Variants in NSF observed in about 807,000 individuals in gnomAD.
NSF encodes the protein vesicle-fusing ATPase.
NSF carries 14 observed loss-of-function variants against 50.3 expected under a neutral mutation model. The observed-to-expected ratio is 0.28, with a 90% CI of 0.18 to 0.44. The LOEUF (loss-of-function observed/expected upper bound fraction) is 0.44, where lower values mean the gene tolerates loss of function less well. Ranked by LOEUF, NSF falls within the 20% of genes least tolerant of loss-of-function variation. The probability of loss-of-function intolerance (pLI) is 1.00; values close to 1 mark genes in which losing one functional copy is unlikely to be tolerated. For missense variants in NSF, 218 were observed against 504.3 expected (o/e 0.43, Z 5.44); for synonymous variants, 109 against 175.7 (o/e 0.62, Z 3.00).
chr17:46,740,662 C>CTT (rs36000135), intron 17 of NSF, among the ~76,000 whole-genome samples: 1 of 137,144 alleles, frequency 7.3e-6, no homozygotes, highest in Non-Finnish European at 1.6e-5. Context: ...TTATCTTTTT[C>CTT]TTTTTTTTTT....
At chr17:46,753,628 T>C (rs2059205355) in intron 19 of NSF, among the ~76,000 whole-genome samples, 1 of 152,214 alleles carries the variant, frequency 6.6e-6, no homozygotes, top group East Asian at 1.9e-4. Flanking sequence ...AATAATTGCA[T>C]AGAAGAAACT....
rs563635681 is a variant in NSF at position 46,726,412 on chromosome 17, T to C, written c.1762-137T>C. ...GTTCAGCGGTGATCCAGTGTGTCAATTCTAATTTATTGTAGTCCAAAGTGT... is the reference window on the plus strand; with the variant it reads ...GTTCAGCGGTGATCCAGTGTGTCAACTCTAATTTATTGTAGTCCAAAGTGT... On this transcript the variant is annotated intron_variant, in intron 15 of 20. Transcript: ENST00000398238. 8.0e-5 allele frequency: 63 copies of C among 790,026 alleles called. 1 individual carries two copies. In the South Asian group the frequency reaches 9.5e-4, roughly 12 times the overall value. The allele number at this position is 790,026 out of a possible 1,614,324, so 48.9% of individuals were successfully genotyped here.
intron 19 of NSF, among the ~76,000 whole-genome samples, chr17:46,752,934 A>AT: frequency 6.6e-6 from 1 of 151,634 alleles, no homozygotes. Flanking sequence ...TGCCTGGCTA[A>AT]TTTTTTGTAT....
At chr17:46,678,726 C>A (rs545031197) in intron 9 of NSF, among the ~76,000 whole-genome samples, 30 of 117,434 alleles carry the variant, frequency 2.6e-4, no homozygotes, top group African/African-American at 1.0e-3. Flanking sequence ...TTGCTGAAAA[C>A]CAAAAATGAG....
In NSF at chr17:46,711,107, G is replaced by A. The variant is rs530978825; in HGVS notation, c.1615G>A (p.Val539Met). The A allele has an allele frequency of 1.5e-5, 23 of 1,512,278 alleles. No individual in the cohort carries two copies. The highest frequency in any genetic ancestry group is 2.9e-5 in the African/African-American group (2 of 68,982). The allele number at this position is 1,512,278 out of a possible 1,614,324, so 93.7% of individuals were successfully genotyped here. Residue 539 changes from valine to methionine, a missense_variant, in exon 14 of 21, where the codon GTG becomes ATG. Transcript: ENST00000398238. ...CAGTGACCGCACACCATTGGTCAGCGTGCTTCTGGAAGGTGAGAATGAATG... is the reference window on the plus strand; with the variant it reads ...CAGTGACCGCACACCATTGGTCAGCATGCTTCTGGAAGGTGAGAATGAATG... Reference protein sequence around the residue: ...KNSDRTPLVSVLLEGPPHSGK... With the variant: ...KNSDRTPLVSMLLEGPPHSGK...
At chr17:46,598,476 A>G (rs1447152187) in intron 1 of NSF, among the ~76,000 whole-genome samples, 3 of 152,240 alleles carry the variant, frequency 2.0e-5, no homozygotes, top group East Asian at 1.9e-4. Flanking sequence ...TTTAGTGCAA[A>G]TAAAGCCAGT....
intron 9 of NSF, among the ~76,000 whole-genome samples, chr17:46,681,458 C>G (rs1198061896): frequency 7.2e-6 from 1 of 138,500 alleles, no homozygotes; most frequent in Non-Finnish European, 1.6e-5. Context: ...CCACTGCACT[C>G]CCGCTTGGGC....
rs1255823792 is a variant in NSF at position 46,633,322 on chromosome 17, G to GT, written c.238+2882dup. ...ACATAAAGTTGGTTTTTGTTTTTTT[G>GT]TTTTTTTTTTGTTTTTTTGACAGGG... On this transcript the variant is annotated intron_variant, in intron 4 of 20. Coordinates refer to ENST00000398238, the MANE Select transcript of NSF (RefSeq NM_006178.4). Among the ~76,000 whole-genome samples the GT allele has an allele frequency of 3.2e-3, 282 of 88,158 alleles. 8 individuals carry two copies. Among genetic ancestry groups the GT allele is most frequent in the African/African-American group, 9.0e-3 (186 of 20,704 alleles). The allele number at this position is 88,158 out of a possible 152,430, so 57.8% of individuals were successfully genotyped here.
At chr17:46,622,412 C>T (rs1168393143) in intron 1 of NSF, among the ~76,000 whole-genome samples, 2 of 150,300 alleles carry the variant, frequency 1.3e-5, no homozygotes, top group Non-Finnish European at 2.9e-5. Flanking sequence ...AAGCCGATAT[C>T]GCACCAGGGC....
At chr17:46,750,809 A>G (rs915459630) in intron 18 of NSF, among the ~76,000 whole-genome samples, 13 of 152,088 alleles carry the variant, frequency 8.5e-5, no homozygotes, top group Non-Finnish European at 2.9e-5. Context: ...CTTGCATTTA[A>G]TAAGTTGGAA....
chr17:46,676,208 GA>G (rs2058404296), intron 9 of NSF, among the ~76,000 whole-genome samples: 1 of 146,132 alleles, frequency 6.8e-6, no homozygotes, highest in Non-Finnish European at 1.5e-5. Flanking sequence ...TGGAAGCTGG[GA>G]AATCTCCTAT....
intron 13 of NSF, among the ~76,000 whole-genome samples, chr17:46,708,751 C>T (rs986546379): frequency 2.0e-5 from 3 of 148,394 alleles, no homozygotes; most frequent in African/African-American, 7.4e-5. Flanking sequence ...ACCTCAGCCT[C>T]CCAGTGTGCT....
chr17:46,741,616 G>A (rs142376618), intron 17 of NSF, among the ~76,000 whole-genome samples: 24 of 152,108 alleles, frequency 1.6e-4, no homozygotes, highest in African/African-American at 5.8e-4. Context: ...AAAAGTTACA[G>A]GCATTTAAAC....
At chr17:46,722,551 T>A (rs1024533866) in intron 15 of NSF, among the ~76,000 whole-genome samples, 2 of 152,166 alleles carry the variant, frequency 1.3e-5, no homozygotes, top group Admixed American at 1.3e-4. Context: ...CTCACTTGGA[T>A]TTTCCTGTGG....
At chr17:46,709,273 A>T (rs2058693824) in intron 13 of NSF, among the ~76,000 whole-genome samples, 1 of 152,156 alleles carries the variant, frequency 6.6e-6, no homozygotes, top group Admixed American at 6.5e-5. Context: ...TTTTAACAAC[A>T]AGTAATTTGG....
At chr17:46,714,230 C>T (rs2058745941) in intron 15 of NSF, among the ~76,000 whole-genome samples, 2 of 152,124 alleles carry the variant, frequency 1.3e-5, no homozygotes, top group Non-Finnish European at 2.9e-5. Context: ...TATTAAGTTT[C>T]ATTGCCTAGT....
chr17:46,745,260 C>T (rs555863334), intron 17 of NSF, among the ~76,000 whole-genome samples: 27 of 152,150 alleles, frequency 1.8e-4, no homozygotes, highest in Non-Finnish European at 3.4e-4. Context: ...CATGATAAAG[C>T]TTCCTTATGA....
At chr17:46,728,684 C>A (rs913538175) in intron 16 of NSF, among the ~76,000 whole-genome samples, 171 bp from the exon 17 acceptor site, 1 of 150,406 alleles carries the variant, frequency 6.6e-6, no homozygotes, top group South Asian at 2.1e-4. Context: ...AGTTTTATGA[C>A]TGTTATTTAA....
intron 15 of NSF, among the ~76,000 whole-genome samples, chr17:46,722,378 T>C: frequency 6.6e-6 from 1 of 152,238 alleles, no homozygotes. Context: ...ACCTGCTGTG[T>C]GCTATAACTC....
Sources: gnomAD v4.1 joint callset for allele counts (sites outside exome capture counted in the v4.1 genomes callset) on GRCh38, gnomAD v4.1.1 for gene constraint, MANE v1.5 for transcripts, NCBI Gene and HGNC (gene_info 2026-07-23, HGNC 2026-07-21) for gene names.